The following GNA12 variants were observed in gnomAD, a reference collection of about 807,000 sequenced individuals.
The protein encoded by GNA12 is G protein subunit alpha 12, also known as guanine nucleotide-binding protein subunit alpha-12.
GNA12 carries 9 observed loss-of-function variants against 26.0 expected under a neutral mutation model. That is an observed-to-expected ratio of 0.35 (90% CI 0.21 to 0.60). The LOEUF is 0.60. Among genes scored for constraint, GNA12 ranks in the 20% least tolerant of loss-of-function variants. The pLI is 0.78. For missense variants in GNA12, 405 were observed against 525.8 expected (o/e 0.77, Z 2.25); for synonymous variants, 264 against 219.6 (o/e 1.20, Z -1.79).
intron 2 of GNA12, among the ~76,000 whole-genome samples, chr7:2,793,074 A>C (rs78391336): frequency 0.041 from 6,273 of 152,328 alleles, 207 homozygotes; most frequent in Admixed American, 0.094. Context: ...TCTGTGCCAA[A>C]AAAATGCATC....
intron 1 of GNA12, among the ~76,000 whole-genome samples, chr7:2,804,177 C>T (rs2115471673): frequency 6.6e-6 from 1 of 152,340 alleles, no homozygotes; most frequent in East Asian, 1.9e-4. Context: ...ACACTATCAA[C>T]AGGTAACAGC....
intron 2 of GNA12, chr7:2,762,599 A>C (rs1791613972): frequency 2.0e-6 from 3 of 1,514,026 alleles, no homozygotes; most frequent in South Asian, 1.3e-5. Context: ...AACCCAAAAA[A>C]GGACAATCCC....
Position 2,733,459 on chromosome 7 carries a change from C to T in GNA12, c.568G>A (p.Gly190Ser), listed in dbSNP as rs747636303. The change falls in exon 3 of 4, where the codon GGC (glycine) becomes AGC (serine). Residue 190 changes from glycine to serine, a missense_variant. By Grantham distance (56) the Gly-to-Ser change is moderately conservative. Transcript: ENST00000275364. ...CGGGCGTGCTTACTCACCAGCTGGC[C>T]GATCCGGTCCAAGTTGTCCAGGAAG... ...KYFLDNLDRI[G>S]QLNYFPSKQD... The T allele has an allele frequency of 8.1e-6, 13 of 1,613,746 alleles. No individual in the cohort carries two copies. In the Middle Eastern group the frequency reaches 4.9e-4, roughly 61 times the overall value.
chr7:2,815,230 C>G (rs540769078), intron 1 of GNA12: 99 of 333,890 alleles, frequency 3.0e-4, no homozygotes, highest in Non-Finnish European at 4.3e-4. Context: ...AGCCAGTCAG[C>G]GGACCTACAG....
chr7:2,728,719 C>G lies in GNA12; in HGVS notation c.*2462G>C, dbSNP rs946169128. On this transcript the variant is annotated 3_prime_UTR_variant, in exon 4 of 4. Transcript: ENST00000275364. The stretch of plus-strand genomic sequence containing the variant: ...TTCTGGAGACAAAACTGACTAGAGT[C>G]TATGTGTAGCCAAGTTGTGAATGAC... 1 of 146,776 alleles carries G rather than the reference C, an allele frequency of 6.8e-6. No individual in the cohort carries two copies. The highest frequency in any genetic ancestry group is 2.5e-5 in the African/African-American group (1 of 40,080). 9.1% of individuals were successfully genotyped at this position (146,776 alleles called of 1,614,324 possible). A position where few individuals can be genotyped will look rare whatever the true frequency, so the allele number is the denominator to read the frequency against.
intron 2 of GNA12, among the ~76,000 whole-genome samples, chr7:2,751,439 C>G: frequency 6.8e-6 from 1 of 147,274 alleles, no homozygotes; most frequent in East Asian, 1.9e-4. Context: ...AAAAAATGAT[C>G]AAAAATCACT....
chr7:2,828,333 G>T (rs979029849), intron 1 of GNA12, among the ~76,000 whole-genome samples: 2 of 152,204 alleles, frequency 1.3e-5, no homozygotes, highest in Non-Finnish European at 2.9e-5. Flanking sequence ...CTAAACTAAT[G>T]TTTGCTGTAG....
At chr7:2,754,015 A>G (rs1791168446) in intron 2 of GNA12, among the ~76,000 whole-genome samples, 1 of 152,172 alleles carries the variant, frequency 6.6e-6, no homozygotes, top group Admixed American at 6.5e-5. Context: ...ATCTACATCT[A>G]AACCCTTAAG....
intron 3 of GNA12, among the ~76,000 whole-genome samples, chr7:2,732,082 A>G (rs1424201962): frequency 6.6e-6 from 1 of 152,046 alleles, no homozygotes; most frequent in Non-Finnish European, 1.5e-5. Flanking sequence ...ATACCTTTTT[A>G]TTTTTCTAAC....
At chr7:2,805,465 G>A (rs571198879) in intron 1 of GNA12, among the ~76,000 whole-genome samples, 2 of 152,248 alleles carry the variant, frequency 1.3e-5, no homozygotes, top group East Asian at 3.9e-4. Context: ...GTGCAGTGGC[G>A]CAATCAAAGC....
chr7:2,757,619 C>T, intron 2 of GNA12, among the ~76,000 whole-genome samples: 1 of 152,212 alleles, frequency 6.6e-6, no homozygotes, highest in Non-Finnish European at 1.5e-5. Context: ...GCCCAGGCTG[C>T]TGACCCAAGC....
At chr7:2,843,795 CG>C in intron 1 of GNA12, 57 bp downstream of exon 1, 3 of 939,530 alleles carry the variant, frequency 3.2e-6, no homozygotes, top group Middle Eastern at 7.5e-4. Context: ...GGGCCCGGGG[CG>C]GGGGTTAGCG....
intron 1 of GNA12, among the ~76,000 whole-genome samples, chr7:2,832,116 A>G (rs1451803428): frequency 1.3e-5 from 2 of 152,228 alleles, no homozygotes; most frequent in African/African-American, 2.4e-5. Flanking sequence ...GCCCCAGGAC[A>G]TCGTTAGACT....
chr7:2,809,451 A>G (rs577805104), intron 1 of GNA12, among the ~76,000 whole-genome samples: 1 of 152,338 alleles, frequency 6.6e-6, no homozygotes, highest in East Asian at 1.9e-4. Flanking sequence ...TTTTCATTGG[A>G]AATTCCACCC....
In GNA12 at chr7:2,843,913, G is replaced by C; in HGVS notation, c.249C>G (p.Arg83=). The C allele has an allele frequency of 1.9e-6, 3 of 1,586,350 alleles. No individual in the cohort carries two copies. Among genetic ancestry groups the C allele is most frequent in the Non-Finnish European group, 2.6e-6 (3 of 1,168,310 alleles). The change falls in exon 1 of 4, where the codon CGC becomes CGG. Residue 83 remains arginine (R), a synonymous_variant. Transcript: ENST00000275364. ...CCAGCAGCGCCTTCTGGTCGAACTCGCGGCCGTGGATGATGCGCATCTGCT... is the reference window on the plus strand; with the variant it reads ...CCAGCAGCGCCTTCTGGTCGAACTCCCGGCCGTGGATGATGCGCATCTGCT... The part of the protein sequence containing the change: ...FLKQMRIIHG[R]EFDQKALLEF...
At chr7:2,750,985 A>C (rs939342920) in intron 2 of GNA12, among the ~76,000 whole-genome samples, 3 of 152,240 alleles carry the variant, frequency 2.0e-5, no homozygotes, top group Non-Finnish European at 4.4e-5. Context: ...AAGAATTCAC[A>C]ATGTACATCA....
intron 1 of GNA12, among the ~76,000 whole-genome samples, chr7:2,811,014 G>T (rs1047021076): frequency 8.5e-5 from 13 of 152,188 alleles, no homozygotes; most frequent in African/African-American, 2.7e-4. Flanking sequence ...CTCAGCCTTT[G>T]GAGATGGCAA....
intron 2 of GNA12, among the ~76,000 whole-genome samples, chr7:2,744,806 A>G (rs1790688208): frequency 6.6e-6 from 1 of 152,244 alleles, no homozygotes; most frequent in African/African-American, 2.4e-5. Flanking sequence ...AGAATAACCA[A>G]TGCAGAGAAG....
chr7:2,783,714 T>C (rs1792291691), intron 2 of GNA12, among the ~76,000 whole-genome samples: 2 of 145,098 alleles, frequency 1.4e-5, no homozygotes, highest in Admixed American at 6.9e-5. Flanking sequence ...AGATGTAGTA[T>C]TGCTCTGTCC....
Sources: gnomAD v4.1 joint callset for allele counts (sites outside exome capture counted in the v4.1 genomes callset) on GRCh38, gnomAD v4.1.1 for gene constraint, MANE v1.5 for transcripts, NCBI Gene and HGNC (gene_info 2026-07-23, HGNC 2026-07-21) for gene names.